Variants in NUDT12 observed in about 807,000 individuals in gnomAD.
NUDT12 encodes NAD-capped RNA hydrolase NUDT12.
Under a neutral mutation model 45.7 loss-of-function variants are expected in NUDT12, and 42 were observed. The observed-to-expected ratio is 0.92, with a 90% CI of 0.72 to 1.19. The LOEUF (loss-of-function observed/expected upper bound fraction) is 1.19, where lower values mean the gene tolerates loss of function less well. NUDT12 is among the 50% of genes most tolerant of loss of function. The probability of loss-of-function intolerance (pLI) is 0.00; values close to 1 mark genes in which losing one functional copy is unlikely to be tolerated. For synonymous variants in NUDT12, 206 were observed against 179.7 expected (o/e 1.15, Z -1.17); for missense variants, 590 against 533.1 (o/e 1.11, Z -1.05).
rs1192395400 is a variant in NUDT12, at chr5:103,549,030, A to AT, written c.*1830dup. On this transcript the variant is annotated 3_prime_UTR_variant, in exon 7 of 7. Transcript: ENST00000230792. Reference sequence around the variant, plus strand: ...AAAATAATAATTTACCTAGATGCTGATTTTTTCCCAAGTAAGGATTAAATA... The same window carrying AT: ...AAAATAATAATTTACCTAGATGCTGATTTTTTTCCCAAGTAAGGATTAAATA... 3 of 152,182 alleles carry AT rather than the reference A, an allele frequency of 2.0e-5. No individual in the cohort carries two copies. Among genetic ancestry groups the AT allele is most frequent in the Non-Finnish European group, 2.9e-5 (2 of 67,972 alleles). The allele number at this position is 152,182 out of a possible 1,614,324, so 9.4% of individuals were successfully genotyped here. A position where few individuals can be genotyped will look rare whatever the true frequency, so the allele number is the denominator to read the frequency against.
At chr5:103,551,247 A>C (rs1057253695) in intron 6 of NUDT12, among the ~76,000 whole-genome samples, 1 of 151,996 alleles carries the variant, frequency 6.6e-6, no homozygotes, top group Admixed American at 6.6e-5. Context: ...CAGCCTCCCA[A>C]GTAGCTGGTA....
At chr5:103,553,232 C>A (rs1340004974) in intron 5 of NUDT12, among the ~76,000 whole-genome samples, 3 of 151,664 alleles carry the variant, frequency 2.0e-5, no homozygotes, top group Non-Finnish European at 4.4e-5. Flanking sequence ...AAGGTATTTG[C>A]AAAACCATAA....
chr5:103,562,504 C>A (rs112552652), intron 1 of NUDT12, among the ~76,000 whole-genome samples, 199 bp downstream of exon 1: 1 of 152,064 alleles, frequency 6.6e-6, no homozygotes, highest in African/African-American at 2.4e-5. Flanking sequence ...TCAGTACCGC[C>A]GCACCTCCGC....
chr5:103,556,929 G>GA (rs1317842500), intron 3 of NUDT12, among the ~76,000 whole-genome samples: 1 of 151,910 alleles, frequency 6.6e-6, no homozygotes, highest in Non-Finnish European at 1.5e-5. Context: ...CAGTTGTAAT[G>GA]AATAGACAAC....
Position 103,549,709 on chromosome 5 carries a change from T to C in NUDT12, c.*1152A>G, listed in dbSNP as rs939135020. On this transcript the variant is annotated 3_prime_UTR_variant, in exon 7 of 7. Coordinates refer to ENST00000230792, the MANE Select transcript of NUDT12 (RefSeq NM_031438.4). The stretch of plus-strand genomic sequence containing the variant: ...CATACATTAGTAAAGATGCAAATTA[T>C]ACAAATTTTGATATTCATAAACTAT... The C allele has an allele frequency of 1.3e-5, 2 of 152,106 alleles. No homozygotes were observed. Among genetic ancestry groups the C allele is most frequent in the African/African-American group, 2.4e-5 (1 of 41,448 alleles). 9.4% of individuals were successfully genotyped at this position (152,106 alleles called of 1,614,324 possible).
intron 3 of NUDT12, among the ~76,000 whole-genome samples, chr5:103,558,343 A>G (rs1041455906): frequency 7.2e-5 from 11 of 152,032 alleles, no homozygotes; most frequent in Non-Finnish European, 1.3e-4. Flanking sequence ...AGCCATTGCA[A>G]TCTCTTACTT....
chr5:103,556,684 T>G (rs1445210659), intron 3 of NUDT12, among the ~76,000 whole-genome samples: 1 of 152,092 alleles, frequency 6.6e-6, no homozygotes, highest in Non-Finnish European at 1.5e-5. Flanking sequence ...CCTAATAGGA[T>G]AAATCTTAAA....
chr5:103,555,249 C>G (rs1483208956), intron 4 of NUDT12, among the ~76,000 whole-genome samples: 1 of 151,968 alleles, frequency 6.6e-6, no homozygotes. Context: ...TAACCCTTAA[C>G]AAAATGTTTT....
intron 4 of NUDT12, among the ~76,000 whole-genome samples, chr5:103,555,281 G>T (rs1025758434): frequency 3.3e-5 from 5 of 152,004 alleles, no homozygotes; most frequent in Non-Finnish European, 7.4e-5. Context: ...GTGATTCTAT[G>T]ATTAAAGTCA....
rs1562614641 is a variant in NUDT12, at chr5:103,548,873, T to C, written c.*1988A>G. ...AACAAAATAGATTTTAAAAATTTAA[T>C]GTATTATTACATTCATTTCCAGTAG... On this transcript the variant is annotated 3_prime_UTR_variant, in exon 7 of 7. Transcript: ENST00000230792. The C allele has an allele frequency of 6.6e-6, 1 of 152,178 alleles. No homozygotes were observed. The highest frequency in any genetic ancestry group is 1.5e-5 in the Non-Finnish European group (1 of 68,004). The allele number at this position is 152,178 out of a possible 1,614,324, so 9.4% of individuals were successfully genotyped here. A position where few individuals can be genotyped will look rare whatever the true frequency, so the allele number is the denominator to read the frequency against.
At chr5:103,553,963 A>T (rs1470605578) in intron 5 of NUDT12, among the ~76,000 whole-genome samples, 1 of 152,030 alleles carries the variant, frequency 6.6e-6, no homozygotes, top group Non-Finnish European at 1.5e-5. Flanking sequence ...TGTATTTTAT[A>T]AGGTTGTATA....
intron 5 of NUDT12, among the ~76,000 whole-genome samples, chr5:103,552,956 T>C (rs1340637048): frequency 6.6e-6 from 1 of 152,120 alleles, no homozygotes; most frequent in Admixed American, 6.6e-5. Context: ...CTGACTCTGC[T>C]ATGGTAAGTG....
At chr5:103,555,741 G>A (rs1226332530) in intron 4 of NUDT12, among the ~76,000 whole-genome samples, 190 bp downstream of exon 4, 1 of 151,970 alleles carries the variant, frequency 6.6e-6, no homozygotes, top group Admixed American at 6.6e-5. Flanking sequence ...CCAAAGTTAA[G>A]AAATGGCTAT....
chr5:103,552,632 GT>G (rs1748693946), intron 5 of NUDT12, among the ~76,000 whole-genome samples: 1 of 151,990 alleles, frequency 6.6e-6, no homozygotes, highest in East Asian at 1.9e-4. Context: ...TAAACTTTTC[GT>G]TTTTTTAAGG....
In NUDT12 at chr5:103,555,934, C is replaced by A; in HGVS notation, c.961G>T (p.Val321Phe). Reference protein sequence around the residue: ...NGVHNTSYPRVDPVVIMQVIH... With the variant: ...NGVHNTSYPRFDPVVIMQVIH... The stretch of plus-strand genomic sequence containing the variant: ...AGATATAAAATAAAGGGCTTACCAA[C>A]TCTTGGGTATGAGGTATTATGGACG... The change falls in exon 4 of 7, where the codon GTT becomes TTT. Residue 321 changes from valine to phenylalanine, a missense_variant. Transcript: ENST00000230792. 1 of 1,563,446 alleles carries A rather than the reference C, an allele frequency of 6.4e-7. No individual in the cohort carries two copies.
chr5:103,554,250 T>G (rs1748741992), intron 5 of NUDT12, among the ~76,000 whole-genome samples: 1 of 152,062 alleles, frequency 6.6e-6, no homozygotes, highest in Non-Finnish European at 1.5e-5. Flanking sequence ...TTATGAAACT[T>G]ATATTCTTGA....
intron 1 of NUDT12, among the ~76,000 whole-genome samples, chr5:103,562,496 A>G (rs891150544): frequency 6.6e-6 from 1 of 151,962 alleles, no homozygotes; most frequent in Non-Finnish European, 1.5e-5. Flanking sequence ...CTACGACCTC[A>G]GTACCGCCGC....
chr5:103,561,042 A>G (rs1344777103), intron 1 of NUDT12, among the ~76,000 whole-genome samples: 5 of 148,670 alleles, frequency 3.4e-5, no homozygotes, highest in African/African-American at 1.2e-4. Context: ...GATAGAGCAC[A>G]CACTGAGCTT....
At chr5:103,557,401 T>C (rs2112453248) in intron 3 of NUDT12, among the ~76,000 whole-genome samples, 1 of 150,994 alleles carries the variant, frequency 6.6e-6, no homozygotes, top group African/African-American at 2.4e-5. Flanking sequence ...AGGAGATATT[T>C]AAGCAGTCTC....
Sources: allele counts gnomAD v4.1 joint callset (sites outside exome capture counted in the v4.1 genomes callset), GRCh38; gene constraint gnomAD v4.1.1; transcripts MANE v1.5; gene names NCBI Gene and HGNC (gene_info 2026-07-23, HGNC 2026-07-21).